Variants in SLC14A2 observed in about 807,000 individuals in gnomAD.
The protein encoded by SLC14A2 is solute carrier family 14 member 2.
A neutral mutation model predicts 104.6 loss-of-function variants in SLC14A2; 91 were observed. The observed-to-expected ratio is 0.87, with a 90% confidence interval of 0.73 to 1.04. The LOEUF (loss-of-function observed/expected upper bound fraction) is 1.04, where lower values mean the gene tolerates loss of function less well. Ranked by LOEUF, SLC14A2 falls within the 50% of genes least tolerant of loss-of-function variation. SLC14A2 has a pLI of 0.00. For missense variants in SLC14A2, 1,189 were observed against 1,156.0 expected, an observed-to-expected ratio of 1.03 and a Z score of -0.41; for synonymous variants, 476 against 466.4, an observed-to-expected ratio of 1.02 and a Z score of -0.27.
At chr18:45,291,743 C>T (rs756528583) in intron 1 of SLC14A2, among the ~76,000 whole-genome samples, 1 of 151,990 alleles carries the variant, frequency 6.6e-6, no homozygotes, top group African/African-American at 2.4e-5. Flanking sequence ...TGAATCCCCC[C>T]TCAGCACATT....
chr18:45,379,994 T>C (rs1017260359), intron 1 of SLC14A2, among the ~76,000 whole-genome samples: 1 of 152,214 alleles, frequency 6.6e-6, no homozygotes, highest in Non-Finnish European at 1.5e-5. Flanking sequence ...AAGGCTCCAC[T>C]GGAATCATAT....
intron 1 of SLC14A2, among the ~76,000 whole-genome samples, chr18:45,409,247 T>G (rs888433): frequency 0.6 from 90,934 of 151,968 alleles, 27,312 homozygotes; most frequent in Admixed American, 0.65. Flanking sequence ...CTGTTATGAG[T>G]ACTAAGCAAG....
intron 1 of SLC14A2, among the ~76,000 whole-genome samples, chr18:45,459,627 C>A (rs994983236): frequency 6.6e-6 from 1 of 152,210 alleles, no homozygotes; most frequent in Non-Finnish European, 1.5e-5. Context: ...CCCGGGGCCT[C>A]GCCCAGTTCC....
chr18:45,335,693 C>T (rs2085331567), intron 1 of SLC14A2, among the ~76,000 whole-genome samples: 1 of 152,170 alleles, frequency 6.6e-6, no homozygotes, highest in South Asian at 2.1e-4. Flanking sequence ...ATTTTGAAGG[C>T]TAAGGAAGTC....
chr18:45,593,486 CTTTTT>C (rs1172271684), intron 2 of SLC14A2, among the ~76,000 whole-genome samples: 3 of 88,788 alleles, frequency 3.4e-5, no homozygotes, highest in East Asian at 3.5e-4. Context: ...TTTCCTTAAT[CTTTTT>C]TTTTTTTTTT....
intron 2 of SLC14A2, among the ~76,000 whole-genome samples, chr18:45,597,091 G>A (rs2044727082): frequency 1.3e-5 from 2 of 152,246 alleles, no homozygotes; most frequent in Admixed American, 1.3e-4. Context: ...GCCGAGGCGG[G>A]TGGATTACTT....
At chr18:45,198,366 TG>T in the SLC14A2 span, among the ~76,000 whole-genome samples, 1 of 152,132 alleles carries the variant, frequency 6.6e-6, no homozygotes, top group Non-Finnish European at 1.5e-5. Context: ...ATCATGAGTT[TG>T]ATGAGTTTGA....
chr18:45,503,445 A>C (rs2043230823), intron 2 of SLC14A2, among the ~76,000 whole-genome samples: 1 of 152,148 alleles, frequency 6.6e-6, no homozygotes, highest in South Asian at 2.1e-4. Context: ...CAACGTGACT[A>C]ACTCAGTGTC....
At chr18:45,298,488 T>C (rs964123109) in intron 1 of SLC14A2, among the ~76,000 whole-genome samples, 3 of 152,156 alleles carry the variant, frequency 2.0e-5, no homozygotes, top group African/African-American at 7.2e-5. Context: ...ATCAGATCAT[T>C]TCAACATAGA....
At position 45,669,473 on chromosome 18, in the gene SLC14A2, C is replaced by A; in HGVS notation, c.2204C>A (p.Thr735Asn). 1 of 1,613,888 alleles carries A rather than the reference C, an allele frequency of 6.2e-7. No homozygotes were observed. The highest frequency in any genetic ancestry group is 8.5e-7 in the Non-Finnish European group (1 of 1,179,808). The part of the protein sequence containing the change: ...LQPASAMPNI[T>N]WSEVQVPLLL... ...CCTGCATCCGCCATGCCCAACATCA[C>A]CTGGTCAGAGGTCCAAGTGCCCTTG... is the stretch of plus-strand genomic sequence containing the variant. The change falls in exon 16 of 20, where the codon ACC becomes AAC. Residue 735 changes from threonine (T) to asparagine (N), a missense_variant. Physicochemically the swap from Thr to Asn is moderately conservative, Grantham distance 65. Transcript: ENST00000255226.
At chr18:45,656,870 G>T (rs987051267) in intron 10 of SLC14A2, among the ~76,000 whole-genome samples, 1 of 152,210 alleles carries the variant, frequency 6.6e-6, no homozygotes, top group Admixed American at 6.5e-5. Context: ...AAAGTTTAAA[G>T]CATTTGCTGT....
At chr18:45,446,941 C>T (rs2086780816) in intron 1 of SLC14A2, among the ~76,000 whole-genome samples, 1 of 152,176 alleles carries the variant, frequency 6.6e-6, no homozygotes, top group Non-Finnish European at 1.5e-5. Flanking sequence ...CCCCACCCTG[C>T]TTCTCATCCC....
At chr18:45,259,981 G>A (rs1013181593) in intron 1 of SLC14A2, among the ~76,000 whole-genome samples, 3 of 152,074 alleles carry the variant, frequency 2.0e-5, no homozygotes, top group Non-Finnish European at 2.9e-5. Context: ...TTGGTAGAGG[G>A]GGAATGGGAG....
At chr18:45,434,829 C>A (rs2086571287) in intron 1 of SLC14A2, among the ~76,000 whole-genome samples, 1 of 152,092 alleles carries the variant, frequency 6.6e-6, no homozygotes, top group Non-Finnish European at 1.5e-5. Context: ...CAAATTGCCA[C>A]CTACTTGAAG....
At chr18:45,522,861 GGGCAA>G (rs1287166253) in intron 2 of SLC14A2, among the ~76,000 whole-genome samples, 1 of 152,100 alleles carries the variant, frequency 6.6e-6, no homozygotes, top group African/African-American at 2.4e-5. Flanking sequence ...CTGTTGCCTT[GGGCAA>G]TAGAAGTCAG....
At chr18:45,364,908 A>C (rs2144336771) in intron 1 of SLC14A2, among the ~76,000 whole-genome samples, 1 of 152,348 alleles carries the variant, frequency 6.6e-6, no homozygotes, top group East Asian at 1.9e-4. Context: ...ACCTCTTGTG[A>C]CAGTGATCTG....
At chr18:45,597,193 G>T (rs1429673822) in intron 2 of SLC14A2, among the ~76,000 whole-genome samples, 3 of 152,174 alleles carry the variant, frequency 2.0e-5, no homozygotes, top group African/African-American at 7.2e-5. Flanking sequence ...CAGGCGTGGT[G>T]GTGTGTGCCT....
chr18:45,644,209 C>T (rs751460773), intron 10 of SLC14A2, 49 bp downstream of exon 10: 1 of 1,581,412 alleles, frequency 6.3e-7, no homozygotes, highest in South Asian at 1.1e-5. Flanking sequence ...GACCTGATGT[C>T]CTCTCCCTGT....
intron 10 of SLC14A2, among the ~76,000 whole-genome samples, chr18:45,658,657 A>C (rs971663389): frequency 5.9e-5 from 9 of 152,172 alleles, no homozygotes; most frequent in African/African-American, 2.2e-4. Context: ...GTTGATATTC[A>C]GAAAGAGGGT....
Sources: allele counts gnomAD v4.1 joint callset (sites outside exome capture counted in the v4.1 genomes callset), GRCh38; gene constraint gnomAD v4.1.1; transcripts MANE v1.5; gene names NCBI Gene and HGNC (gene_info 2026-07-23, HGNC 2026-07-21).